FADS2: variants seen among roughly 807,000 people sequenced by gnomAD.
FADS2 encodes the protein fatty acid desaturase 2.
FADS2 carries 18 observed loss-of-function variants against 61.2 expected under a neutral mutation model. The observed-to-expected ratio is 0.29, with a 90% CI of 0.20 to 0.44. The LOEUF (loss-of-function observed/expected upper bound fraction) is 0.44. Ranked by LOEUF, FADS2 falls within the 20% of genes least tolerant of loss-of-function variation. The probability of loss-of-function intolerance (pLI) is 1.00; values close to 1 mark genes in which losing one functional copy is unlikely to be tolerated. For synonymous variants in FADS2, 203 were observed against 223.9 expected, an observed-to-expected ratio of 0.91 and a Z score of 0.83; for missense variants, 322 against 572.7, an observed-to-expected ratio of 0.56 and a Z score of 4.47.
At chr11:61,832,855 G>A (rs174573) in intron 1 of FADS2, among the ~76,000 whole-genome samples, 29,243 of 152,294 alleles carry the variant, frequency 0.19, 3,514 homozygotes, top group Admixed American at 0.29. Context: ...GTGCTTGCCC[G>A]TGCTGCACTT....
intron 1 of FADS2, among the ~76,000 whole-genome samples, chr11:61,819,634 C>T (rs935807187): frequency 6.6e-6 from 1 of 152,096 alleles, no homozygotes; most frequent in Non-Finnish European, 1.5e-5. Context: ...ACTCTAAATG[C>T]CCATCAGTGA....
In FADS2 at chr11:61,840,672, A is replaced by C. The variant is rs748205735; in HGVS notation, c.565A>C (p.Arg189=). Reference sequence around the variant, plus strand: ...TGATTATGGCCACCTGTCTGTCTACAGAAAACCCAAGTGGAACCACCTTGT... The same window carrying C: ...TGATTATGGCCACCTGTCTGTCTACCGAAAACCCAAGTGGAACCACCTTGT... ...QHDYGHLSVY[R]KPKWNHLVHK... Residue 189 remains arginine, a synonymous_variant, in exon 4 of 12, where the codon AGA becomes CGA. Coordinates refer to ENST00000278840, the MANE Select transcript of FADS2 (RefSeq NM_004265.4). The C allele has an allele frequency of 7.4e-6, 12 of 1,614,092 alleles. No individual in the cohort carries two copies. In the Admixed American group the frequency reaches 2.0e-4, roughly 27 times the overall value.
intron 1 of FADS2, chr11:61,821,521 G>A (rs1161440040): frequency 1.5e-6 from 1 of 682,796 alleles, no homozygotes; most frequent in Non-Finnish European, 2.7e-6. Context: ...ATAATAGTTG[G>A]CCAATAGCCT....
rs58136105 is a variant in FADS2 at position 61,861,353 on chromosome 11, C to CAAAAAAAAAAAAAAA, written c.883-1615_883-1601dup. ...TGGGCGACAGAGCGAGACTCCCTCT[C>CAAAAAAAAAAAAAAA]AAAAAAAAAAAAAAAAAACAGAAAT... On this transcript the variant is annotated intron_variant, in intron 7 of 11. Transcript: ENST00000278840. Among the ~76,000 whole-genome samples the CAAAAAAAAAAAAAAA allele has an allele frequency of 1.8e-3, 52 of 29,706 alleles. 2 individuals carry two copies. Among genetic ancestry groups the CAAAAAAAAAAAAAAA allele is most frequent in the African/African-American group, 2.7e-3 (29 of 10,576 alleles). 19.5% of individuals were successfully genotyped at this position (29,706 alleles called of 152,430 possible).
chr11:61,817,068 C>G (rs1391302273), intron 1 of FADS2: 3 of 1,051,370 alleles, frequency 2.9e-6, no homozygotes, highest in African/African-American at 3.4e-5. Flanking sequence ...TGACGTCAGG[C>G]GGGCATCGCG....
In FADS2 at chr11:61,840,372, G is replaced by A. The variant is rs746684982; in HGVS notation, c.357G>A (p.Thr119=). ...AGGACTTCCGGGCCCTGAGGAAGAC[G>A]GCTGAGGACATGAACCTGTTCAAGA... ...ITEDFRALRK[T]AEDMNLFKTN... The change falls in exon 3 of 12, where the codon ACG becomes ACA. Residue 119 remains threonine, a synonymous_variant. Transcript: ENST00000278840. The A allele has an allele frequency of 1.3e-5, 21 of 1,614,186 alleles. No individual in the cohort carries two copies. Among genetic ancestry groups the A allele is most frequent in the African/African-American group, 1.1e-4 (8 of 75,042 alleles).
chr11:61,852,227 G>A (rs1283238401), intron 5 of FADS2, among the ~76,000 whole-genome samples: 1 of 152,070 alleles, frequency 6.6e-6, no homozygotes, highest in Admixed American at 6.6e-5. Context: ...GCTCGTAGTG[G>A]GGTGCCTTTC....
At position 61,857,014 on chromosome 11, in the gene FADS2, G is replaced by A. The variant is rs780497769; in HGVS notation, c.748G>A (p.Gly250Ser). 7 of 1,613,768 alleles carry A rather than the reference G, an allele frequency of 4.3e-6. No homozygotes were observed. The highest frequency in any genetic ancestry group is 2.2e-5 in the South Asian group (2 of 91,070). The change falls in exon 6 of 12, where the codon GGC (glycine) becomes AGC (serine). Residue 250 changes from glycine to serine, a missense_variant. Gly to Ser is a moderately conservative substitution (Grantham distance 56). Coordinates refer to ENST00000278840, the MANE Select transcript of FADS2 (RefSeq NM_004265.4). Reference protein sequence around the residue: ...VLGEWQPIEYGKKKLKYLPYN... With the variant: ...VLGEWQPIEYSKKKLKYLPYN... Reference sequence around the variant, plus strand: ...ATGATCTCTCCTCTCTCCTCAGTACGGCAAGAAGAAGCTGAAATACCTGCC... The same window carrying A: ...ATGATCTCTCCTCTCTCCTCAGTACAGCAAGAAGAAGCTGAAATACCTGCC...
At chr11:61,852,806 G>A (rs1473091319) in intron 5 of FADS2, among the ~76,000 whole-genome samples, 2 of 151,864 alleles carry the variant, frequency 1.3e-5, no homozygotes, top group Non-Finnish European at 2.9e-5. Context: ...GTTGTGTTTC[G>A]GTTGATTCTT....
At chr11:61,852,880 C>T (rs191186038) in intron 5 of FADS2, among the ~76,000 whole-genome samples, 15 of 152,174 alleles carry the variant, frequency 9.9e-5, no homozygotes, top group Admixed American at 2.6e-4. Context: ...CTCGGCCCAG[C>T]GTGGTGGCTC....
At chr11:61,826,971 G>T (rs977967761), upstream of FADS2, among the ~76,000 whole-genome samples, 1 of 152,206 alleles carries the variant, frequency 6.6e-6, no homozygotes, top group African/African-American at 2.4e-5. Context: ...AGAATCTAAT[G>T]ATTAGGGTGT....
In FADS2 at chr11:61,816,564, C is replaced by A; in HGVS notation, c.141+138C>A. The A allele has an allele frequency of 6.2e-7, 1 of 1,605,946 alleles. No individual in the cohort carries two copies. Among genetic ancestry groups the A allele is most frequent in the East Asian group, 2.2e-5 (1 of 44,514 alleles). On this transcript the variant is annotated intron_variant, in intron 1 of 11. Coordinates refer to the FADS2 transcript ENST00000257261. The surrounding 1 kb of genome is among the most constrained non-coding windows in gnomAD (Gnocchi z 7.0). Reference sequence around the variant, plus strand: ...GCCTGGCTGCGCTCACCGTGGCATCCTGCCCGGCGTAGTGGCTGATGACCC... The same window carrying A: ...GCCTGGCTGCGCTCACCGTGGCATCATGCCCGGCGTAGTGGCTGATGACCC...
chr11:61,851,239 C>G (rs2067304308), intron 5 of FADS2, among the ~76,000 whole-genome samples: 1 of 152,168 alleles, frequency 6.6e-6, no homozygotes, highest in Admixed American at 6.5e-5. Context: ...CAGATGTTCT[C>G]TGTGTCTCCA....
At chr11:61,840,151 T>G in intron 2 of FADS2, 183 bp from the exon 3 acceptor site, 2 of 624,248 alleles carry the variant, frequency 3.2e-6, no homozygotes, top group East Asian at 2.7e-5. Context: ...CCCAGGGCTG[T>G]GTGGGGCATG....
chr11:61,838,065 G>T (rs1486969212), intron 2 of FADS2, among the ~76,000 whole-genome samples, 177 bp downstream of exon 2: 1 of 152,174 alleles, frequency 6.6e-6, no homozygotes, highest in Admixed American at 6.5e-5. Context: ...GCCTCCCTGG[G>T]AGCCGGGGTT....
chr11:61,824,185 C>A (rs968174834), upstream of FADS2, among the ~76,000 whole-genome samples: 15 of 151,800 alleles, frequency 9.9e-5, no homozygotes, highest in Admixed American at 9.8e-4. Flanking sequence ...AGTTCGAGAC[C>A]AACCTCACCA....
Position 61,857,111 on chromosome 11 carries a change from C to A in FADS2, c.805+40C>A, listed in dbSNP as rs565856030. 5 of 1,543,458 alleles carry A rather than the reference C, an allele frequency of 3.2e-6. No homozygotes were observed. The Admixed American group carries it at 8.3e-5, about 26-fold the overall frequency. On this transcript the variant is annotated intron_variant, in intron 6 of 11. Transcript: ENST00000278840. ...CCCCGAAATCACTCTGGGACCCTCCCCTCCCCCCAGAGTGGCGTGTCTCTC... is the reference window on the plus strand; with the variant it reads ...CCCCGAAATCACTCTGGGACCCTCCACTCCCCCCAGAGTGGCGTGTCTCTC...
chr11:61,840,829 G>A (rs1378049688), intron 4 of FADS2, 104 bp downstream of exon 4: 35 of 893,238 alleles, frequency 3.9e-5, no homozygotes, highest in Non-Finnish European at 6.4e-5. Flanking sequence ...GGGTGACAAG[G>A]CAGGTGTGCC....
chr11:61,851,916 T>G (rs2067310341), intron 5 of FADS2, among the ~76,000 whole-genome samples: 1 of 152,270 alleles, frequency 6.6e-6, no homozygotes, highest in African/African-American at 2.4e-5. Context: ...ATTCATTTCT[T>G]GTGTGCTTAG....
Sources: gnomAD v4.1 joint callset for allele counts (sites outside exome capture counted in the v4.1 genomes callset) on GRCh38, gnomAD v4.1.1 for gene constraint, Gnocchi (gnomAD v3.1) non-coding constraint, MANE v1.5 for transcripts, NCBI Gene and HGNC (gene_info 2026-07-23, HGNC 2026-07-21) for gene names.